The following CUX1 variants were observed in gnomAD, a reference collection of about 807,000 sequenced individuals.
The protein encoded by CUX1 is cut like homeobox 1, also known as protein CASP.
CUX1 carries 31 observed loss-of-function variants against 158.8 expected under a neutral mutation model. The observed-to-expected ratio is 0.20, with a 90% CI of 0.15 to 0.26. CUX1 has a LOEUF of 0.26. CUX1 is among the 10% of genes least tolerant of loss of function. The pLI is 1.00. For synonymous variants in CUX1, 879 were observed against 862.1 expected, an observed-to-expected ratio of 1.02 and a Z score of -0.34; for missense variants, 1,589 against 2,014.6, an observed-to-expected ratio of 0.79 and a Z score of 4.04.
chr7:102,012,233 G>T (rs530905166), intron 2 of CUX1, among the ~76,000 whole-genome samples: 1 of 152,190 alleles, frequency 6.6e-6, no homozygotes, highest in South Asian at 2.1e-4. Flanking sequence ...TGTTGCCCAG[G>T]CTGGAGTACA....
In CUX1 at chr7:102,250,411, C is replaced by T; in HGVS notation, c.*1369C>T. The T allele has an allele frequency of 1.0e-6, 1 of 985,526 alleles. No homozygotes were observed. Among genetic ancestry groups the T allele is most frequent in the Non-Finnish European group, 1.2e-6 (1 of 830,014 alleles). The allele number at this position is 985,526 out of a possible 1,614,324, so 61.0% of individuals were successfully genotyped here. On this transcript the variant is annotated 3_prime_UTR_variant, in exon 24 of 24. Coordinates refer to ENST00000292535, the MANE Select transcript of CUX1 (RefSeq NM_181552.4). Reference sequence around the variant, plus strand: ...CTGGATACCTGATGAACTGAGCCCTCCCAGGGGAAGACACTCCCCAGGCCT... The same window carrying T: ...CTGGATACCTGATGAACTGAGCCCTTCCAGGGGAAGACACTCCCCAGGCCT...
intron 1 of CUX1, among the ~76,000 whole-genome samples, chr7:101,914,671 G>C (rs1563002632): frequency 6.6e-6 from 1 of 151,802 alleles, no homozygotes; most frequent in Middle Eastern, 3.4e-3. Context: ...GCTAATTTTT[G>C]TATTTTTAGT....
chr7:102,277,918 C>G (rs1464157794), intron 17 of CUX1: 1 of 1,171,852 alleles, frequency 8.5e-7, no homozygotes, highest in Non-Finnish European at 1.2e-6. Context: ...AGGCCTCTCC[C>G]CCACCCCTTT....
intron 2 of CUX1, among the ~76,000 whole-genome samples, chr7:101,931,730 A>G (rs1806316658): frequency 6.6e-6 from 1 of 152,014 alleles, no homozygotes; most frequent in East Asian, 1.9e-4. Flanking sequence ...TGTCTGACTG[A>G]TTTTTGTATT....
chr7:102,046,381 C>T (rs867685518), intron 3 of CUX1, among the ~76,000 whole-genome samples: 1 of 151,958 alleles, frequency 6.6e-6, no homozygotes. Flanking sequence ...TACAGGCACG[C>T]ACCACCACAC....
exon 23 of CUX1, chr7:102,283,938 A>C (rs572341040): frequency 6.6e-6 from 1 of 152,324 alleles, no homozygotes; most frequent in South Asian, 2.1e-4. Flanking sequence ...GCACATTTGA[A>C]ATAAACCACG....
intron 4 of CUX1, among the ~76,000 whole-genome samples, chr7:102,071,752 G>A (rs545065265): frequency 1.4e-4 from 21 of 152,306 alleles, no homozygotes; most frequent in African/African-American, 5.1e-4. Context: ...CCAAACACGG[G>A]ATGGCAGAAA....
chr7:102,216,600 A>ACACACACACACACTCCC (rs1797140812), intron 20 of CUX1, among the ~76,000 whole-genome samples: 2 of 9,324 alleles, frequency 2.1e-4, no homozygotes, highest in Admixed American at 3.4e-3. Flanking sequence ...ACACACTCCC[A>ACACACACACACACTCCC]CACACACACA....
intron 4 of CUX1, among the ~76,000 whole-genome samples, chr7:102,086,687 G>A (rs1554480626): frequency 1.3e-5 from 2 of 151,710 alleles, no homozygotes; most frequent in African/African-American, 4.8e-5. Flanking sequence ...TTGGCTCACT[G>A]CAACCTCTGC....
intron 3 of CUX1, among the ~76,000 whole-genome samples, chr7:102,038,334 A>C (rs890346043): frequency 6.6e-6 from 1 of 152,184 alleles, no homozygotes; most frequent in African/African-American, 2.4e-5. Flanking sequence ...GTAATTAACA[A>C]TGTTCACAAG....
At chr7:101,938,744 C>T (rs944696364) in intron 2 of CUX1, among the ~76,000 whole-genome samples, 2 of 151,790 alleles carry the variant, frequency 1.3e-5, no homozygotes, top group African/African-American at 2.4e-5. Flanking sequence ...TGTCTCTACT[C>T]AAAACACAAA....
At chr7:102,163,737 G>A (rs1412666243) in intron 9 of CUX1, among the ~76,000 whole-genome samples, 1 of 152,206 alleles carries the variant, frequency 6.6e-6, no homozygotes, top group Non-Finnish European at 1.5e-5. Context: ...GCAGGAAGAG[G>A]AGGGCGCAGA....
chr7:102,179,573 C>G (rs781983682), intron 11 of CUX1, among the ~76,000 whole-genome samples: 4 of 152,246 alleles, frequency 2.6e-5, no homozygotes, highest in Admixed American at 6.5e-5. Flanking sequence ...CCACTAGGCA[C>G]TCTTGGCTTT....
chr7:102,156,230 T>C (rs1311890888), intron 8 of CUX1, among the ~76,000 whole-genome samples: 3 of 152,132 alleles, frequency 2.0e-5, no homozygotes, highest in Admixed American at 1.3e-4. Context: ...CTGTTTTCTG[T>C]TGCTGCAACA....
chr7:102,158,699 C>T (rs1013152061), intron 9 of CUX1, 91 bp downstream of exon 9: 10 of 1,232,074 alleles, frequency 8.1e-6, no homozygotes, highest in African/African-American at 6.0e-5. Flanking sequence ...GTTAGAAGGC[C>T]GGTTATCCTT....
intron 3 of CUX1, among the ~76,000 whole-genome samples, chr7:102,045,304 A>G (rs2129884335): frequency 6.6e-6 from 1 of 152,348 alleles, no homozygotes; most frequent in East Asian, 1.9e-4. Context: ...TCAGTCAGAT[A>G]TGTTGAGGCT....
intron 4 of CUX1, among the ~76,000 whole-genome samples, chr7:102,073,886 G>A (rs1187257915): frequency 6.6e-6 from 1 of 152,176 alleles, no homozygotes; most frequent in Admixed American, 6.5e-5. Flanking sequence ...AATGTTTGAT[G>A]TTTTCTGTAA....
intron 2 of CUX1, chr7:101,959,522 A>C (rs919527591): frequency 6.6e-6 from 1 of 152,086 alleles, no homozygotes; most frequent in African/African-American, 2.4e-5. Context: ...CTGAGTCCTC[A>C]GTGTTCTGCC....
In CUX1 at chr7:102,200,100, G is replaced by A. The variant is rs1795257129; in HGVS notation, c.1990G>A (p.Glu664Lys). The A allele has an allele frequency of 1.2e-6, 2 of 1,613,304 alleles. No homozygotes were observed. The highest frequency in any genetic ancestry group is 3.3e-5 in the Admixed American group (2 of 59,910). ...GNITTRIRAS[E>K]TGSDEAIKSI... ...CATCACCACCCGGATCCGAGCCTCG[G>A]AGACTGGCTCTGATGAAGCCATCAA... The change falls in exon 17 of 24, where the codon GAG (glutamate) becomes AAG (lysine). Residue 664 changes from glutamate to lysine, a missense_variant. Physicochemically the swap from Glu to Lys is moderately conservative, Grantham distance 56. Transcript: ENST00000292535.
Sources: gnomAD v4.1 joint callset for allele counts (sites outside exome capture counted in the v4.1 genomes callset) on GRCh38, gnomAD v4.1.1 for gene constraint, MANE v1.5 for transcripts, NCBI Gene and HGNC (gene_info 2026-07-23, HGNC 2026-07-21) for gene names.